The following CHSY3 variants were observed in gnomAD, a reference collection of about 807,000 sequenced individuals.
CHSY3 encodes the protein N-acetylgalactosaminyl-proteoglycan 3-beta-glucuronosyltransferase 3.
Under a neutral mutation model 67.2 loss-of-function variants are expected in CHSY3, and 35 were observed. The ratio of observed to expected loss-of-function variants is 0.52; its 90% CI spans 0.40 to 0.69. The LOEUF (loss-of-function observed/expected upper bound fraction) is 0.69, where lower values mean the gene tolerates loss of function less well. CHSY3 is among the 30% of genes least tolerant of loss of function. The probability of loss-of-function intolerance (pLI) is 0.00; values close to 1 mark genes in which losing one functional copy is unlikely to be tolerated. For synonymous variants in CHSY3, 474 were observed against 434.7 expected (o/e 1.09, Z -1.12); for missense variants, 1,069 against 1,138.5 (o/e 0.94, Z 0.88).
At position 129,979,719 on chromosome 5, in the gene CHSY3, G is replaced by A. The variant is rs989645832; in HGVS notation, c.1086+71359G>A. On this transcript the variant is annotated intron_variant, in intron 2 of 2. Transcript: ENST00000305031. ...ATTCATCATTATTGTATTTTACGGA[G>A]TACATTATAAATATCCTCTGCACTT... Among the ~76,000 whole-genome samples, 2 of 152,126 alleles carry A rather than the reference G, an allele frequency of 1.3e-5. 1 individual carries two copies. Among genetic ancestry groups the A allele is most frequent in the Admixed American group, 1.3e-4 (2 of 15,272 alleles).
chr5:130,026,279 T>C (rs1218507324), intron 2 of CHSY3, among the ~76,000 whole-genome samples: 2 of 152,072 alleles, frequency 1.3e-5, no homozygotes, highest in African/African-American at 4.8e-5. Context: ...TAATTACCAA[T>C]CCAACATTTT....
At chr5:130,127,028 A>G (rs1234517295) in intron 2 of CHSY3, among the ~76,000 whole-genome samples, 1 of 152,148 alleles carries the variant, frequency 6.6e-6, no homozygotes, top group South Asian at 2.1e-4. Flanking sequence ...AGATATTGGC[A>G]TCTCCTGGGA....
intron 2 of CHSY3, among the ~76,000 whole-genome samples, chr5:130,119,467 T>C (rs146786319): frequency 1.1e-4 from 17 of 152,280 alleles, no homozygotes; most frequent in African/African-American, 4.1e-4. Context: ...TTTAGTGTGC[T>C]AAACAGCTTT....
At chr5:130,020,657 T>G (rs930554458) in intron 2 of CHSY3, among the ~76,000 whole-genome samples, 7 of 151,720 alleles carry the variant, frequency 4.6e-5, no homozygotes, top group Non-Finnish European at 1.0e-4. Flanking sequence ...TCCCAGACAA[T>G]TTCCCAGACA....
At chr5:129,919,697 G>A (rs1760854573) in intron 2 of CHSY3, among the ~76,000 whole-genome samples, 2 of 152,158 alleles carry the variant, frequency 1.3e-5, no homozygotes, top group South Asian at 4.1e-4. Flanking sequence ...CAACACGTGG[G>A]AATTATAGGA....
At chr5:130,002,418 G>A (rs1002154309) in intron 2 of CHSY3, among the ~76,000 whole-genome samples, 1 of 152,188 alleles carries the variant, frequency 6.6e-6, no homozygotes, top group East Asian at 1.9e-4. Flanking sequence ...GCAGCACTTG[G>A]AGGCCTTATA....
intron 2 of CHSY3, among the ~76,000 whole-genome samples, chr5:129,920,097 C>T (rs905633582): frequency 6.6e-6 from 1 of 152,134 alleles, no homozygotes; most frequent in South Asian, 2.1e-4. Context: ...TGATTGTCAT[C>T]CCCCTATTTA....
chr5:130,184,421 G>A lies in CHSY3; in HGVS notation c.1279G>A (p.Glu427Lys). 1.2e-6 allele frequency: 2 copies of A among 1,613,888 alleles called. No homozygotes were observed. Among genetic ancestry groups the A allele is most frequent in the South Asian group, 1.1e-5 (1 of 91,070 alleles). ...CTACCGCACCATCCAGCTCCACAGGGAAAGTGCCCTGATGAGCAAGCTCAG... is the reference window on the plus strand; with the variant it reads ...CTACCGCACCATCCAGCTCCACAGGAAAAGTGCCCTGATGAGCAAGCTCAG... ...LRYRTIQLHR[E>K]SALMSKLSNT... The change falls in exon 3 of 3, where the codon GAA becomes AAA. Residue 427 changes from glutamate (E) to lysine (K), a missense_variant. Glu to Lys is a moderately conservative substitution (Grantham distance 56). Transcript: ENST00000305031.
chr5:130,002,464 A>C (rs1224398608), intron 2 of CHSY3, among the ~76,000 whole-genome samples: 1 of 152,118 alleles, frequency 6.6e-6, no homozygotes, highest in Non-Finnish European at 1.5e-5. Context: ...TGCAGATGAG[A>C]GGGAGCCACA....
intron 2 of CHSY3, among the ~76,000 whole-genome samples, chr5:129,981,453 T>C (rs370648792): frequency 1.3e-5 from 2 of 152,096 alleles, no homozygotes; most frequent in East Asian, 3.8e-4. Flanking sequence ...GATGATCATG[T>C]CATCTGCAAA....
chr5:129,907,142 G>A (rs1290255971), intron 1 of CHSY3, among the ~76,000 whole-genome samples: 2 of 152,084 alleles, frequency 1.3e-5, no homozygotes, highest in Non-Finnish European at 2.9e-5. Context: ...ATTTTGCAGG[G>A]AATTTATAAA....
intron 2 of CHSY3, among the ~76,000 whole-genome samples, chr5:130,131,897 C>G (rs1446241291): frequency 6.6e-6 from 1 of 152,094 alleles, no homozygotes; most frequent in Non-Finnish European, 1.5e-5. Flanking sequence ...CCCAGAGAAC[C>G]CAGAGAACAC....
intron 2 of CHSY3, among the ~76,000 whole-genome samples, chr5:130,119,733 A>G (rs1215038169): frequency 6.6e-6 from 1 of 152,210 alleles, no homozygotes; most frequent in Non-Finnish European, 1.5e-5. Flanking sequence ...AAGGAAAGAC[A>G]GGCTTTTCCC....
intron 2 of CHSY3, among the ~76,000 whole-genome samples, chr5:129,941,070 A>T (rs570400014): frequency 6.6e-6 from 1 of 152,138 alleles, no homozygotes; most frequent in African/African-American, 2.4e-5. Flanking sequence ...AAAATACAAA[A>T]ATTAGCCGAG....
intron 2 of CHSY3, among the ~76,000 whole-genome samples, chr5:130,134,759 T>C (rs1768603895): frequency 2.0e-5 from 3 of 152,132 alleles, no homozygotes; most frequent in Admixed American, 1.3e-4. Context: ...AACTGAAGCA[T>C]AGAATTTTTA....
chr5:129,982,276 T>TA (rs201631358), intron 2 of CHSY3, among the ~76,000 whole-genome samples: 31 of 150,548 alleles, frequency 2.1e-4, no homozygotes, highest in South Asian at 8.4e-4. Context: ...TATTCCAATG[T>TA]AAAAAAAAAC....
At chr5:129,906,747 A>G (rs1410734790) in intron 1 of CHSY3, among the ~76,000 whole-genome samples, 2 of 152,196 alleles carry the variant, frequency 1.3e-5, no homozygotes, top group Non-Finnish European at 2.9e-5. Context: ...CTTCCCGGTC[A>G]AAGGGGGGCA....
intron 2 of CHSY3, among the ~76,000 whole-genome samples, chr5:130,040,061 C>T (rs1484027447): frequency 6.6e-6 from 1 of 151,992 alleles, no homozygotes; most frequent in Non-Finnish European, 1.5e-5. Context: ...TGACTGTAAA[C>T]ATTTTGAACT....
intron 2 of CHSY3, among the ~76,000 whole-genome samples, chr5:130,142,863 A>T (rs1325250390): frequency 1.3e-5 from 2 of 152,136 alleles, no homozygotes; most frequent in South Asian, 2.1e-4. Flanking sequence ...CATATGGGTG[A>T]TCTTGAAGAT....
Sources: gnomAD v4.1 joint callset for allele counts (sites outside exome capture counted in the v4.1 genomes callset) on GRCh38, gnomAD v4.1.1 for gene constraint, MANE v1.5 for transcripts, NCBI Gene and HGNC (gene_info 2026-07-23, HGNC 2026-07-21) for gene names.